Variants in NUCB1 observed in about 807,000 individuals in gnomAD.
NUCB1 encodes the protein nucleobindin-1.
In NUCB1, 47 loss-of-function variants were observed where a neutral mutation model predicts 61.2. The ratio of observed to expected loss-of-function variants is 0.77; its 90% CI spans 0.61 to 0.98. The LOEUF is 0.98. Among genes scored for constraint, NUCB1 ranks in the 50% least tolerant of loss-of-function variants. The probability of loss-of-function intolerance (pLI) is 0.00; values close to 1 mark genes in which losing one functional copy is unlikely to be tolerated. For synonymous variants in NUCB1, 234 were observed against 243.1 expected, an observed-to-expected ratio of 0.96 and a Z score of 0.35; for missense variants, 583 against 605.3, an observed-to-expected ratio of 0.96 and a Z score of 0.39.
At chr19:48,921,114 T>C (rs1424445571) in intron 10 of NUCB1, 40 bp from the exon 11 acceptor site, 1 of 1,566,500 alleles carries the variant, frequency 6.4e-7, no homozygotes, top group Non-Finnish European at 8.7e-7. Flanking sequence ...GGGCCGAGGT[T>C]GGACCTGTGC....
At chr19:48,920,725 G>T (rs900278985) in intron 10 of NUCB1, among the ~76,000 whole-genome samples, 6 of 152,060 alleles carry the variant, frequency 3.9e-5, no homozygotes, top group Admixed American at 2.0e-4. Context: ...GTTTCTCCAT[G>T]TTGGTCAGGC....
At chr19:48,912,472 C>T (rs1202349718) in intron 5 of NUCB1, among the ~76,000 whole-genome samples, 1 of 152,090 alleles carries the variant, frequency 6.6e-6, no homozygotes, top group Non-Finnish European at 1.5e-5. Flanking sequence ...TATTGTATAA[C>T]CGTCCCAATC....
intron 7 of NUCB1, among the ~76,000 whole-genome samples, chr19:48,915,403 T>C (rs4802523): frequency 0.74 from 112,115 of 151,894 alleles, 42,066 homozygotes; most frequent in South Asian, 0.87. Context: ...GAGGCTGAGG[T>C]AGGAGAATCG....
intron 10 of NUCB1, 58 bp from the exon 11 acceptor site, chr19:48,921,096 A>G: frequency 1.3e-6 from 2 of 1,535,866 alleles, no homozygotes; most frequent in Non-Finnish European, 1.8e-6. Flanking sequence ...ACCCTCTCCA[A>G]CATGGGTGGG....
intron 7 of NUCB1, among the ~76,000 whole-genome samples, chr19:48,917,804 T>C (rs983547086): frequency 6.7e-6 from 1 of 149,824 alleles, no homozygotes; most frequent in Non-Finnish European, 1.5e-5. Context: ...CCCAATTTTT[T>C]ACTTTTTTTT....
intron 3 of NUCB1, 37 bp downstream of exon 3, chr19:48,904,491 G>T: frequency 7.5e-7 from 1 of 1,332,526 alleles, no homozygotes; most frequent in African/African-American, 1.4e-5. Context: ...GGAGGGGTAC[G>T]TGCTGGGAGG....
chr19:48,918,855 C>T (rs1260167304), intron 8 of NUCB1, 71 bp downstream of exon 8: 1 of 1,441,938 alleles, frequency 6.9e-7, no homozygotes, highest in Non-Finnish European at 9.7e-7. Context: ...CCTGCAGTCC[C>T]CTTAAATCCC....
Position 48,905,817 on chromosome 19 carries a change from T to C in NUCB1, c.308T>C (p.Leu103Pro). The C allele has an allele frequency of 6.3e-7, 1 of 1,596,564 alleles. No homozygotes were observed. The highest frequency in any genetic ancestry group is 8.5e-7 in the Non-Finnish European group (1 of 1,169,762). The change falls in exon 4 of 13, where the codon CTC becomes CCC. Residue 103 changes from leucine to proline, a missense_variant. Physicochemically the swap from Leu to Pro is moderately conservative, Grantham distance 98. Transcript: ENST00000405315. ...SHHVRTKLDE[L>P]KRQEVSRLRM... is the part of the protein sequence containing the mutation. ...CACGTCCGCACCAAGCTGGATGAGCTCAAGCGACAGGAGGTGTCACGGCTG... is the reference window on the plus strand; with the variant it reads ...CACGTCCGCACCAAGCTGGATGAGCCCAAGCGACAGGAGGTGTCACGGCTG...
intron 4 of NUCB1, 125 bp downstream of exon 4, chr19:48,906,010 A>G: frequency 1.1e-6 from 1 of 928,476 alleles, no homozygotes; most frequent in Non-Finnish European, 1.6e-6. Context: ...AATGTGCTGA[A>G]ATGTGCGTGG....
At chr19:48,922,188 C>A in intron 12 of NUCB1, 130 bp from the exon 13 acceptor site, 32 of 767,114 alleles carry the variant, frequency 4.2e-5, no homozygotes, top group South Asian at 4.0e-4. Context: ...GGGCTGGACC[C>A]CTGGGTGTGA....
rs1392690746 is a variant in NUCB1 at position 48,913,492 on chromosome 19, AAGG to A, written c.689_691del (p.Glu230del). On this transcript the variant is annotated inframe_deletion, in exon 7 of 13. Coordinates refer to ENST00000405315, the MANE Select transcript of NUCB1 (RefSeq NM_006184.6). ...TCCACAGGGCAGCCAAGCCCAGTTG[AAGG>A]AGGTGTGGGAGGAGCTGGATGGACT... 4 of 1,614,020 alleles carry A rather than the reference AAGG, an allele frequency of 2.5e-6. No individual in the cohort carries two copies. The African/African-American group carries it at 5.3e-5, about 22-fold the overall frequency.
intron 3 of NUCB1, 39 bp downstream of exon 3, chr19:48,904,493 G>A: frequency 7.6e-7 from 1 of 1,318,586 alleles, no homozygotes; most frequent in Non-Finnish European, 1.1e-6. Context: ...AGGGGTACGT[G>A]CTGGGAGGGC....
At chr19:48,908,629 C>T (rs1043517753) in intron 4 of NUCB1, among the ~76,000 whole-genome samples, 42 of 148,866 alleles carry the variant, frequency 2.8e-4, no homozygotes, top group African/African-American at 9.7e-4. Flanking sequence ...CAGCCTAGGT[C>T]TCCCAAATTC....
At chr19:48,916,375 TG>T (rs1299720667) in intron 7 of NUCB1, among the ~76,000 whole-genome samples, 10 of 152,158 alleles carry the variant, frequency 6.6e-5, no homozygotes, top group African/African-American at 2.4e-5. Context: ...CCCAGCACTT[TG>T]GGAGGCCGAG....
chr19:48,901,483 G>C (rs1336178722), intron 2 of NUCB1, among the ~76,000 whole-genome samples: 1 of 152,208 alleles, frequency 6.6e-6, no homozygotes, highest in Non-Finnish European at 1.5e-5. Context: ...GGCTGGTCAG[G>C]CCAGGCGCAG....
At chr19:48,900,537 G>A in intron 1 of NUCB1, 165 bp downstream of exon 1, 1 of 552,764 alleles carries the variant, frequency 1.8e-6, no homozygotes, top group Non-Finnish European at 3.2e-6. Flanking sequence ...GGAGGCGGCC[G>A]AGATCCCGGA....
chr19:48,901,001 C>A (rs776068699), intron 2 of NUCB1, 70 bp downstream of exon 2: 37 of 1,584,232 alleles, frequency 2.3e-5, no homozygotes, highest in Non-Finnish European at 3.1e-5. Context: ...GACCCCGGTG[C>A]CCGTAGGGCG....
intron 4 of NUCB1, among the ~76,000 whole-genome samples, chr19:48,908,650 T>TGTGTGTGG (rs2037437199): frequency 1.2e-5 from 1 of 83,180 alleles, no homozygotes; most frequent in Non-Finnish European, 2.9e-5. Flanking sequence ...TAGCTGCCCG[T>TGTGTGTGG]GTGTGTGTGT....
intron 4 of NUCB1, among the ~76,000 whole-genome samples, chr19:48,906,317 T>C (rs2037412883): frequency 1.3e-5 from 2 of 150,830 alleles, no homozygotes; most frequent in South Asian, 2.1e-4. Flanking sequence ...GGCAGGAGAA[T>C]TGGTTGAACC....
Sources: gnomAD v4.1 joint callset for allele counts (sites outside exome capture counted in the v4.1 genomes callset) on GRCh38, gnomAD v4.1.1 for gene constraint, MANE v1.5 for transcripts, NCBI Gene and HGNC (gene_info 2026-07-23, HGNC 2026-07-21) for gene names.